RIMS2: variants seen among roughly 807,000 people sequenced by gnomAD.
The protein encoded by RIMS2 is regulating synaptic membrane exocytosis 2.
In RIMS2, 59 loss-of-function variants were observed where a neutral mutation model predicts 174.4. The ratio of observed to expected loss-of-function variants is 0.34; its 90% CI spans 0.27 to 0.42. The LOEUF (loss-of-function observed/expected upper bound fraction) is 0.42. Ranked by LOEUF, RIMS2 falls within the 10% of genes least tolerant of loss-of-function variation. RIMS2 has a pLI of 1.00. For missense variants in RIMS2, 1,620 were observed against 1,666.3 expected, an observed-to-expected ratio of 0.97 and a Z score of 0.48; for synonymous variants, 606 against 572.5, an observed-to-expected ratio of 1.06 and a Z score of -0.84.
intron 16 of RIMS2, among the ~76,000 whole-genome samples, chr8:103,981,022 A>G (rs1417605298): frequency 6.6e-6 from 1 of 152,172 alleles, no homozygotes; most frequent in Admixed American, 6.5e-5. Context: ...GAAGAGAAGT[A>G]CCCAAACCTG....
At chr8:104,130,130 C>A (rs2098462811) in intron 19 of RIMS2, among the ~76,000 whole-genome samples, 2 of 152,028 alleles carry the variant, frequency 1.3e-5, no homozygotes. Flanking sequence ...TAGTAGGCTG[C>A]TGAGGTAACA....
intron 17 of RIMS2, among the ~76,000 whole-genome samples, chr8:104,009,536 A>G (rs2095690788): frequency 6.6e-6 from 1 of 152,070 alleles, no homozygotes; most frequent in Non-Finnish European, 1.5e-5. Flanking sequence ...AGCTCAAGCC[A>G]TCTGTCTGCC....
chr8:104,175,839 TCA>T (rs917554304), intron 19 of RIMS2, among the ~76,000 whole-genome samples: 10 of 152,182 alleles, frequency 6.6e-5, no homozygotes, highest in African/African-American at 2.2e-4. Flanking sequence ...ATGCAGGTTG[TCA>T]CAGTTTCTAG....
chr8:103,686,824 C>T (rs2096946076), intron 1 of RIMS2, among the ~76,000 whole-genome samples: 1 of 151,860 alleles, frequency 6.6e-6, no homozygotes, highest in Non-Finnish European at 1.5e-5. Context: ...GTACAATGTG[C>T]AATCATAGGT....
chr8:103,733,687 C>T (rs557717173), intron 2 of RIMS2, among the ~76,000 whole-genome samples: 1 of 152,168 alleles, frequency 6.6e-6, no homozygotes, highest in African/African-American at 2.4e-5. Context: ...CTTTCCACTT[C>T]ATCAGGTCAG....
chr8:103,729,538 T>A (rs2097566730), intron 2 of RIMS2, among the ~76,000 whole-genome samples: 1 of 152,156 alleles, frequency 6.6e-6, no homozygotes, highest in Non-Finnish European at 1.5e-5. Flanking sequence ...TTTATTGATC[T>A]TTTGTATTTT....
intron 19 of RIMS2, among the ~76,000 whole-genome samples, chr8:104,030,786 A>G (rs929425518): frequency 2.6e-5 from 4 of 152,054 alleles, no homozygotes; most frequent in African/African-American, 9.7e-5. Context: ...CAAAAATTTC[A>G]TTACCTCTGG....
chr8:103,889,373 T>G (rs116389972), intron 4 of RIMS2, among the ~76,000 whole-genome samples: 331 of 151,916 alleles, frequency 2.2e-3, no homozygotes, highest in African/African-American at 7.7e-3. Flanking sequence ...CTCAGATCTC[T>G]TTCTCCTTGT....
intron 19 of RIMS2, among the ~76,000 whole-genome samples, chr8:104,213,421 G>A (rs888710581): frequency 1.3e-5 from 2 of 152,094 alleles, no homozygotes; most frequent in African/African-American, 4.8e-5. Flanking sequence ...CAATAATTAT[G>A]AGTTAATTTT....
intron 19 of RIMS2, among the ~76,000 whole-genome samples, chr8:104,083,381 A>G (rs1239429153): frequency 1.3e-5 from 2 of 152,030 alleles, no homozygotes; most frequent in Non-Finnish European, 2.9e-5. Context: ...GGTCCTACTG[A>G]TGTGTTCTCA....
rs769908030 is a variant in RIMS2 at position 103,697,199 on chromosome 8, A to T, written c.290A>T (p.Lys97Ile). The change falls in exon 2 of 24, where the codon AAA (lysine) becomes ATA (isoleucine). Residue 97 changes from lysine to isoleucine, a missense_variant. Physicochemically the swap from Lys to Ile is moderately radical, Grantham distance 102. Transcript: ENST00000504942. ...GCGCCAACCTGTGGTATCTGCCACA[A>T]AACAAAGTTTGCTGATGGATGTGGC... is the stretch of plus-strand genomic sequence containing the variant. The T allele has an allele frequency of 1.1e-4, 173 of 1,613,830 alleles. No homozygotes were observed. The Middle Eastern group carries it at 1.7e-3, about 15-fold the overall frequency.
intron 19 of RIMS2, among the ~76,000 whole-genome samples, chr8:104,201,150 G>A (rs2099052862): frequency 6.6e-6 from 1 of 151,902 alleles, no homozygotes; most frequent in African/African-American, 2.4e-5. Context: ...CCCTCAAGTA[G>A]GCCCTGGTGT....
At chr8:103,747,131 G>A (rs2097829610) in intron 2 of RIMS2, among the ~76,000 whole-genome samples, 1 of 150,610 alleles carries the variant, frequency 6.6e-6, no homozygotes, top group South Asian at 2.1e-4. Context: ...TAGGGCACAT[G>A]TGCATAATGT....
intron 3 of RIMS2, among the ~76,000 whole-genome samples, chr8:103,884,518 T>C (rs2099188425): frequency 6.6e-6 from 1 of 151,790 alleles, no homozygotes; most frequent in Admixed American, 6.6e-5. Context: ...AAGGGTAAGT[T>C]GAGAAGGTAA....
intron 3 of RIMS2, among the ~76,000 whole-genome samples, chr8:103,843,645 C>G (rs537622229): frequency 7.2e-5 from 11 of 152,134 alleles, no homozygotes; most frequent in Non-Finnish European, 1.5e-4. Context: ...TGAAGGCACA[C>G]TATAGTTAGA....
intron 3 of RIMS2, among the ~76,000 whole-genome samples, chr8:103,796,911 C>A (rs1298445436): frequency 1.3e-5 from 2 of 152,132 alleles, no homozygotes; most frequent in Non-Finnish European, 2.9e-5. Flanking sequence ...TGGAGTTCTG[C>A]ACCTCTGAGG....
intron 2 of RIMS2, among the ~76,000 whole-genome samples, chr8:103,733,720 G>A (rs916595779): frequency 5.9e-5 from 9 of 152,184 alleles, no homozygotes; most frequent in South Asian, 2.1e-4. Flanking sequence ...ACGCTAAGTC[G>A]CATAATCACT....
At chr8:103,635,541 C>T (rs1198058782) in intron 1 of RIMS2, among the ~76,000 whole-genome samples, 1 of 152,232 alleles carries the variant, frequency 6.6e-6, no homozygotes, top group Non-Finnish European at 1.5e-5. Context: ...CTGGAGGTGT[C>T]ACCAGTGAAG....
intron 19 of RIMS2, among the ~76,000 whole-genome samples, chr8:104,057,927 C>T (rs2096902908): frequency 6.6e-6 from 1 of 152,030 alleles, no homozygotes; most frequent in Non-Finnish European, 1.5e-5. Context: ...CATAGTATTC[C>T]ATGGTGTATA....
Sources: gnomAD v4.1 joint callset for allele counts (sites outside exome capture counted in the v4.1 genomes callset) on GRCh38, gnomAD v4.1.1 for gene constraint, MANE v1.5 for transcripts, NCBI Gene and HGNC (gene_info 2026-07-23, HGNC 2026-07-21) for gene names.